The following CFAP61 variants were observed in gnomAD, a reference collection of about 807,000 sequenced individuals.
CFAP61 encodes cilia and flagella associated protein 61, also known as cilia- and flagella-associated protein 61.
Under a neutral mutation model 135.6 loss-of-function variants are expected in CFAP61, and 107 were observed. The observed-to-expected ratio is 0.79, with a 90% CI of 0.67 to 0.93. The LOEUF is 0.93. Ranked by LOEUF, CFAP61 falls within the 40% of genes least tolerant of loss-of-function variation. The pLI is 0.00. For missense variants in CFAP61, 1,507 were observed against 1,556.2 expected, an observed-to-expected ratio of 0.97 and a Z score of 0.53; for synonymous variants, 575 against 578.5, an observed-to-expected ratio of 0.99 and a Z score of 0.09.
At chr20:20,356,576 G>GA (rs1479698563) in intron 26 of CFAP61, among the ~76,000 whole-genome samples, 1 of 90,906 alleles carries the variant, frequency 1.1e-5, no homozygotes. Flanking sequence ...ATAGTGTGAG[G>GA]GGAGGTGGTC....
intron 9 of CFAP61, among the ~76,000 whole-genome samples, chr20:20,154,522 T>C (rs918809254): frequency 1.5e-4 from 23 of 152,072 alleles, no homozygotes; most frequent in Non-Finnish European, 3.1e-4. Context: ...ACAAAATCAA[T>C]GTATACAAAT....
intron 13 of CFAP61, among the ~76,000 whole-genome samples, chr20:20,179,279 T>A (rs1279861528): frequency 6.6e-6 from 1 of 152,038 alleles, no homozygotes; most frequent in Non-Finnish European, 1.5e-5. Flanking sequence ...CCATTCACAA[T>A]TGCCACAAAA....
chr20:20,145,364 A>G (rs1449066931), intron 9 of CFAP61, among the ~76,000 whole-genome samples: 1 of 152,208 alleles, frequency 6.6e-6, no homozygotes, highest in East Asian at 1.9e-4. Flanking sequence ...CACTAATGTT[A>G]TAAATCAGAT....
At chr20:20,196,813 A>C in intron 16 of CFAP61, 37 bp downstream of exon 16, 1 of 1,556,748 alleles carries the variant, frequency 6.4e-7, no homozygotes, top group Non-Finnish European at 8.9e-7. Context: ...CCAGCAGGTC[A>C]ACGTTCACAG....
intron 3 of CFAP61, 64 bp from the exon 4 acceptor site, chr20:20,074,238 C>A (rs1315156262): frequency 7.3e-7 from 1 of 1,363,278 alleles, no homozygotes; most frequent in Non-Finnish European, 1.1e-6. Flanking sequence ...CCTCTTTCCA[C>A]CCTGTGCTGA....
At chr20:20,148,994 A>C (rs974804830) in intron 9 of CFAP61, among the ~76,000 whole-genome samples, 1 of 152,210 alleles carries the variant, frequency 6.6e-6, no homozygotes, top group East Asian at 1.9e-4. Flanking sequence ...AAAGCTTGGC[A>C]GTAGAATAAG....
intron 20 of CFAP61, among the ~76,000 whole-genome samples, chr20:20,256,028 G>A (rs1448853984): frequency 2.0e-5 from 3 of 152,176 alleles, no homozygotes; most frequent in South Asian, 2.1e-4. Flanking sequence ...GACGCTGTAG[G>A]TGAGCTCTCT....
intron 17 of CFAP61, among the ~76,000 whole-genome samples, chr20:20,208,452 G>T (rs907186975): frequency 6.6e-6 from 1 of 152,218 alleles, no homozygotes; most frequent in Non-Finnish European, 1.5e-5. Flanking sequence ...GCTGAAGCCT[G>T]CAGCACATAG....
rs145983558 is a variant in CFAP61, at chr20:20,065,873, G to A, written c.144-4981G>A. Among the ~76,000 whole-genome samples, 933 of 152,288 alleles carry A rather than the reference G, an allele frequency of 6.1e-3. 7 individuals are homozygous for A. The highest frequency in any genetic ancestry group is 9.6e-3 in the Non-Finnish European group (650 of 68,026). On this transcript the variant is annotated intron_variant, in intron 2 of 26. Coordinates refer to ENST00000245957, the MANE Select transcript of CFAP61 (RefSeq NM_015585.4). The stretch of plus-strand genomic sequence containing the variant: ...GCAGTTTGTGAGCAATGGATGTGAG[G>A]AAACTCTGAGGTTTCTGGGTGATGG...
chr20:20,346,153 G>T (rs866903328), intron 26 of CFAP61, among the ~76,000 whole-genome samples: 1 of 135,912 alleles, frequency 7.4e-6, no homozygotes, highest in Non-Finnish European at 1.6e-5. Context: ...CACCCGCCTC[G>T]GCCTCCCAAA....
chr20:20,110,166 C>A (rs1030901588), intron 8 of CFAP61, among the ~76,000 whole-genome samples: 1 of 152,026 alleles, frequency 6.6e-6, no homozygotes, highest in Non-Finnish European at 1.5e-5. Flanking sequence ...CCTAGGCTTC[C>A]TTGTTTTAAA....
At chr20:20,065,750 T>C (rs1010114569) in intron 2 of CFAP61, among the ~76,000 whole-genome samples, 1 of 152,110 alleles carries the variant, frequency 6.6e-6, no homozygotes, top group Non-Finnish European at 1.5e-5. Flanking sequence ...TTTAGCAGAT[T>C]GGGCATGGCC....
chr20:20,103,677 AGTGACAATAAAATG>A (rs1365639985), intron 8 of CFAP61, among the ~76,000 whole-genome samples: 5 of 152,242 alleles, frequency 3.3e-5, no homozygotes, highest in African/African-American at 4.8e-5. Flanking sequence ...ATTTTCCTTC[AGTGACAATAAAATG>A]GTTCAAAACA....
chr20:20,176,846 A>G (rs997620479), intron 13 of CFAP61, among the ~76,000 whole-genome samples: 2 of 152,234 alleles, frequency 1.3e-5, no homozygotes, highest in Non-Finnish European at 2.9e-5. Flanking sequence ...TTTGTCCTGC[A>G]CATGTATCCC....
chr20:20,324,577 A>G (rs2057675900), intron 25 of CFAP61, among the ~76,000 whole-genome samples: 1 of 152,202 alleles, frequency 6.6e-6, no homozygotes, highest in Non-Finnish European at 1.5e-5. Flanking sequence ...ACCACTGAAC[A>G]TATATCTCTG....
At chr20:20,253,601 G>T in intron 20 of CFAP61, 1 of 490,920 alleles carries the variant, frequency 2.0e-6, no homozygotes, top group South Asian at 1.5e-5. Flanking sequence ...CACTCTTTTT[G>T]GGCCACTGAC....
At position 20,098,829 on chromosome 20, in the gene CFAP61, A is replaced by G; in HGVS notation, c.859+15A>G. ...AAGAAGTCAAGGTACAGTGGCTATC[A>G]CAGGGACACACTGGGAAATTAAATC... On this transcript the variant is annotated intron_variant, in intron 8 of 26. Coordinates refer to ENST00000245957, the MANE Select transcript of CFAP61 (RefSeq NM_015585.4). The G allele has an allele frequency of 6.2e-7, 1 of 1,602,242 alleles. No individual in the cohort carries two copies. The highest frequency in any genetic ancestry group is 8.5e-7 in the Non-Finnish European group (1 of 1,174,930).
At chr20:20,268,092 C>T (rs888393097) in intron 21 of CFAP61, among the ~76,000 whole-genome samples, 2 of 152,330 alleles carry the variant, frequency 1.3e-5, no homozygotes, top group South Asian at 4.1e-4. Flanking sequence ...TTCATGTCAC[C>T]CTAATAACAC....
chr20:20,212,985 C>G (rs2146920066), intron 17 of CFAP61, among the ~76,000 whole-genome samples: 1 of 152,190 alleles, frequency 6.6e-6, no homozygotes, highest in East Asian at 1.9e-4. Context: ...CAAGTGCCAT[C>G]AGGAGGAGAG....
Sources: allele counts gnomAD v4.1 joint callset (sites outside exome capture counted in the v4.1 genomes callset), GRCh38; gene constraint gnomAD v4.1.1; transcripts MANE v1.5; gene names NCBI Gene and HGNC (gene_info 2026-07-23, HGNC 2026-07-21).